CDC123: variants seen among roughly 807,000 people sequenced by gnomAD.
The protein encoded by CDC123 is translation initiation factor eIF2 assembly protein.
Under a neutral mutation model 54.4 loss-of-function variants are expected in CDC123, and 37 were observed. That is an observed-to-expected ratio of 0.68 (90% confidence interval 0.52 to 0.89). The LOEUF (loss-of-function observed/expected upper bound fraction) is 0.89. Among genes scored for constraint, CDC123 ranks in the 40% least tolerant of loss-of-function variants. The probability of loss-of-function intolerance (pLI) is 0.00; values close to 1 mark genes in which losing one functional copy is unlikely to be tolerated. For missense variants in CDC123, 361 were observed against 412.1 expected, an observed-to-expected ratio of 0.88 and a Z score of 1.07; for synonymous variants, 144 against 136.8, an observed-to-expected ratio of 1.05 and a Z score of -0.37.
intron 10 of CDC123, among the ~76,000 whole-genome samples, chr10:12,243,600 C>T (rs1836089076): frequency 1.3e-5 from 2 of 150,084 alleles, no homozygotes; most frequent in African/African-American, 4.9e-5. Context: ...CATCCTGACA[C>T]AGTGAAACCC....
At chr10:12,232,973 A>T (rs1299547498) in intron 7 of CDC123, among the ~76,000 whole-genome samples, 2 of 151,734 alleles carry the variant, frequency 1.3e-5, no homozygotes, top group Admixed American at 1.3e-4. Flanking sequence ...GTTAGCCAGG[A>T]TGGTCTCGTT....
intron 5 of CDC123, 70 bp from the exon 6 acceptor site, chr10:12,217,291 G>T (rs1835675388): frequency 6.8e-7 from 1 of 1,470,366 alleles, no homozygotes; most frequent in South Asian, 1.3e-5. Context: ...TATTGATTTT[G>T]TTATAGGCCT....
intron 1 of CDC123, among the ~76,000 whole-genome samples, chr10:12,197,317 A>C: frequency 6.6e-6 from 1 of 152,300 alleles, no homozygotes; most frequent in African/African-American, 2.4e-5. Flanking sequence ...AAATTGTTTA[A>C]AATTTAGTAG....
chr10:12,232,458 T>A (rs1330279365), intron 7 of CDC123, among the ~76,000 whole-genome samples: 1 of 152,174 alleles, frequency 6.6e-6, no homozygotes, highest in Non-Finnish European at 1.5e-5. Flanking sequence ...ATTGAGTAAT[T>A]TTTAATGTGT....
intron 10 of CDC123, 133 bp downstream of exon 10, chr10:12,238,618 G>A (rs1204341336): frequency 4.7e-6 from 5 of 1,054,204 alleles, no homozygotes; most frequent in East Asian, 2.7e-5. Flanking sequence ...GCTCATGCCT[G>A]TATTCCCAGC....
At position 12,200,120 on chromosome 10, in the gene CDC123, ATTTTTT is replaced by A. The variant is rs543337462; in HGVS notation, c.146+1362_146+1367del. Among the ~76,000 whole-genome samples the A allele has an allele frequency of 2.7e-4, 16 of 59,372 alleles. 1 individual carries two copies. The highest frequency in any genetic ancestry group is 9.7e-4 in the South Asian group (1 of 1,030). The allele number at this position is 59,372 out of a possible 152,430, so 39.0% of individuals were successfully genotyped here. On this transcript the variant is annotated intron_variant, in intron 2 of 12. Coordinates refer to ENST00000281141, the MANE Select transcript of CDC123 (RefSeq NM_006023.3). The stretch of plus-strand genomic sequence containing the variant: ...ATAGGCCTGAGCCACCGCACTCGGC[ATTTTTT>A]TTTTTTTTTTTTTTTTTAAAGATGG...
chr10:12,203,014 C>G (rs1835462875), intron 2 of CDC123, among the ~76,000 whole-genome samples: 1 of 152,132 alleles, frequency 6.6e-6, no homozygotes, highest in Non-Finnish European at 1.5e-5. Context: ...GACTCCGTCT[C>G]AAAAAACCAA....
intron 2 of CDC123, among the ~76,000 whole-genome samples, chr10:12,209,426 A>G (rs1310006328): frequency 6.6e-6 from 1 of 152,122 alleles, no homozygotes; most frequent in Non-Finnish European, 1.5e-5. Flanking sequence ...TTGTAAAGAC[A>G]GAGTCTCTGT....
intron 2 of CDC123, among the ~76,000 whole-genome samples, chr10:12,205,339 G>A (rs915273274): frequency 2.6e-5 from 4 of 152,070 alleles, no homozygotes; most frequent in African/African-American, 9.7e-5. Context: ...GCACTTAGGT[G>A]GCTTCCAAAT....
intron 10 of CDC123, among the ~76,000 whole-genome samples, chr10:12,242,358 C>G (rs1289045214): frequency 6.6e-6 from 1 of 152,108 alleles, no homozygotes; most frequent in East Asian, 1.9e-4. Context: ...CTGTTCTTGC[C>G]TCTCTTGAAG....
chr10:12,232,238 G>A (rs541219914), intron 7 of CDC123, among the ~76,000 whole-genome samples: 2 of 152,074 alleles, frequency 1.3e-5, no homozygotes, highest in East Asian at 1.9e-4. Context: ...AAACTTTGAC[G>A]GCTCATAGTT....
intron 2 of CDC123, among the ~76,000 whole-genome samples, chr10:12,202,530 T>G (rs1047785929): frequency 1.3e-5 from 2 of 152,044 alleles, no homozygotes; most frequent in African/African-American, 4.8e-5. Flanking sequence ...GAGCATCAGA[T>G]CCCACAGGTT....
chr10:12,221,416 C>A (rs190726751), intron 6 of CDC123, among the ~76,000 whole-genome samples: 3 of 152,164 alleles, frequency 2.0e-5, no homozygotes, highest in African/African-American at 2.4e-5. Context: ...ATATCTCAAC[C>A]AGAAACAGGA....
intron 4 of CDC123, among the ~76,000 whole-genome samples, chr10:12,211,802 A>C (rs1835606056): frequency 6.6e-6 from 1 of 152,132 alleles, no homozygotes; most frequent in Non-Finnish European, 1.5e-5. Flanking sequence ...ATCAGTATCA[A>C]CTCATTTTTA....
At chr10:12,241,223 C>T (rs1457597322) in intron 10 of CDC123, among the ~76,000 whole-genome samples, 2 of 152,012 alleles carry the variant, frequency 1.3e-5, no homozygotes, top group Non-Finnish European at 2.9e-5. Flanking sequence ...TGAACCATTG[C>T]TTCATGTCTT....
At chr10:12,233,617 A>G (rs977361919) in intron 7 of CDC123, among the ~76,000 whole-genome samples, 1 of 152,112 alleles carries the variant, frequency 6.6e-6, no homozygotes. Context: ...GTATAAAATT[A>G]TGTATGTATA....
chr10:12,203,548 A>C (rs567252030), intron 2 of CDC123, among the ~76,000 whole-genome samples: 3 of 152,132 alleles, frequency 2.0e-5, no homozygotes, highest in African/African-American at 7.2e-5. Context: ...GCTTGGTTTG[A>C]TTCTCGTTGC....
chr10:12,238,616 C>A, intron 10 of CDC123, 131 bp downstream of exon 10: 1 of 1,079,536 alleles, frequency 9.3e-7, no homozygotes, highest in East Asian at 2.7e-5. Context: ...CAGCTCATGC[C>A]TGTATTCCCA....
At chr10:12,213,430 C>T (rs936341962) in intron 4 of CDC123, among the ~76,000 whole-genome samples, 4 of 152,074 alleles carry the variant, frequency 2.6e-5, no homozygotes, top group Admixed American at 6.6e-5. Context: ...TTTTCAAAAA[C>T]GTCAAGGTCA....
Sources: allele counts gnomAD v4.1 joint callset (sites outside exome capture counted in the v4.1 genomes callset), GRCh38; gene constraint gnomAD v4.1.1; transcripts MANE v1.5; gene names NCBI Gene and HGNC (gene_info 2026-07-23, HGNC 2026-07-21).